Variants in PAGE2 observed in about 807,000 individuals in gnomAD.
PAGE2 encodes P antigen family member 2.
A neutral mutation model predicts 7.5 loss-of-function variants in PAGE2; 6 were observed. That is an observed-to-expected ratio of 0.80 (90% confidence interval 0.44 to 1.57). PAGE2 has a LOEUF of 1.57. PAGE2 is among the 40% of genes most tolerant of loss of function. The pLI is 0.01. For missense variants in PAGE2, 72 were observed against 76.4 expected, an observed-to-expected ratio of 0.94 and a Z score of 0.21; for synonymous variants, 22 against 25.4, an observed-to-expected ratio of 0.87 and a Z score of 0.41.
chrX:55,089,239 C>T (rs1936631685), intron 1 of PAGE2, 136 bp downstream of exon 1: 1 of 111,400 alleles, frequency 9.0e-6, no homozygotes, highest in African/African-American at 3.4e-5. Flanking sequence ...CATCCAGCTC[C>T]TCCCAGGTCG....
At chrX:55,091,102 A>T (rs1378697579) in intron 3 of PAGE2, among the ~76,000 whole-genome samples, 1 of 111,447 alleles carries the variant, frequency 9.0e-6, no homozygotes, top group Non-Finnish European at 1.9e-5. Context: ...ATGTGATAAG[A>T]ATAAGAACAA....
At position 55,090,258 on chromosome X, in the gene PAGE2, C is replaced by T. The variant is rs1397863694; in HGVS notation, c.84+154C>T. ...AACTTTGGTTCAGGAATACTATATT[C>T]TGGTGTTACCTGTATGGATATGGAT... is the stretch of plus-strand genomic sequence containing the variant. On this transcript the variant is annotated intron_variant, in intron 2 of 4. Transcript: ENST00000374968. 2.7e-5 allele frequency among the ~76,000 whole-genome samples: 3 copies of T among 110,315 alleles called. 1 individual carries two copies. Among genetic ancestry groups the T allele is most frequent in the African/African-American group, 1.0e-4 (3 of 29,589 alleles).
rs1393346548 is a variant in PAGE2, at chrX:55,089,060, C to G, written c.-52C>G. 2.7e-5 allele frequency: 3 copies of G among 111,822 alleles called. No individual in the cohort carries two copies. Among genetic ancestry groups the G allele is most frequent in the Non-Finnish European group, 5.6e-5 (3 of 53,355 alleles). The allele number at this position is 111,822 out of a possible 1,213,427, so 9.2% of individuals were successfully genotyped here. A position where few individuals can be genotyped will look rare whatever the true frequency, so the allele number is the denominator to read the frequency against. The stretch of plus-strand genomic sequence containing the variant: ...TGCAAGGAGAGAGAGTGTCTTCATT[C>G]TTTCCGCCATCTTGATTCTTTCTCA... On this transcript the variant is annotated 5_prime_UTR_variant, in exon 1 of 5. Coordinates refer to ENST00000374968, the MANE Select transcript of PAGE2 (RefSeq NM_207339.4).
intron 3 of PAGE2, among the ~76,000 whole-genome samples, chrX:55,091,053 A>G (rs1205675649): frequency 7.2e-5 from 8 of 111,120 alleles, no homozygotes; most frequent in East Asian, 2.8e-4. Context: ...CCTAAAGCTC[A>G]TAGTCTAGTC....
chrX:55,090,539 A>T lies in PAGE2; in HGVS notation c.122A>T (p.Glu41Val). Residue 41 changes from glutamate to valine, a missense_variant, in exon 3 of 5, where the codon GAA becomes GTA. By Grantham distance (121) the Glu-to-Val change is moderately radical. Transcript: ENST00000374968. ...ACTGAGGAAAAACGTCAAGAAGAGG[A>T]ACCACCAACTGATAATCAGGGTATT... Reference protein sequence around the residue: ...EPTEEKRQEEEPPTDNQGIAP... With the variant: ...EPTEEKRQEEVPPTDNQGIAP... 8.3e-7 allele frequency: 1 copy of T among 1,206,869 alleles called. No individual in the cohort carries two copies.
rs766351840 is a variant in PAGE2, at chrX:55,089,478, G to A, written c.-9+375G>A. Among the ~76,000 whole-genome samples the A allele has an allele frequency of 1.2e-3, 128 of 110,396 alleles. 5 individuals carry two copies. The highest frequency in any genetic ancestry group is 4.1e-3 in the African/African-American group (121 of 29,629). On this transcript the variant is annotated intron_variant, in intron 1 of 4. Transcript: ENST00000374968. ...ACGAAGGGGCTTGGGAACTGGGAGC[G>A]CGGTGGGCTGGTGACTGTGGCCCCG... is the stretch of plus-strand genomic sequence containing the variant.
intron 1 of PAGE2, 92 bp from the exon 2 acceptor site, chrX:55,089,921 A>C: frequency 1.4e-6 from 1 of 698,873 alleles, no homozygotes; most frequent in Non-Finnish European, 2.1e-6. Flanking sequence ...TTCAAAATTA[A>C]AAAAGTACAA....
intron 2 of PAGE2, among the ~76,000 whole-genome samples, 166 bp from the exon 3 acceptor site, chrX:55,090,324 GTCTGTCTATCTA>G (rs896181883): frequency 4.3e-5 from 4 of 93,425 alleles, no homozygotes; most frequent in African/African-American, 1.7e-4. Flanking sequence ...GTATCTGTCT[GTCTGTCTATCTA>G]TCTATCTATC....
chrX:55,089,334 G>T (rs1161084835), intron 1 of PAGE2: 1 of 111,159 alleles, frequency 9.0e-6, no homozygotes, highest in Non-Finnish European at 1.9e-5. Flanking sequence ...CTGAAGATGG[G>T]GCAAGTGCTG....
rs774530606 is a variant in PAGE2, at chrX:55,089,945, C to G, written c.-8-68C>G. On this transcript the variant is annotated intron_variant, in intron 1 of 4. Transcript: ENST00000374968. ...AAAAAAGTACAAATCACCATTTTGC[C>G]GTGGAATGTTCATATATATAACTAA... The G allele has an allele frequency of 5.2e-5, 42 of 814,893 alleles. 1 individual carries two copies. The East Asian group carries it at 1.4e-3, about 27-fold the overall frequency. 67.2% of individuals were successfully genotyped at this position (814,893 alleles called of 1,213,427 possible).
In PAGE2 at chrX:55,090,486, A is replaced by T. The variant is rs1452775440; in HGVS notation, c.85-16A>T. 8.5e-7 allele frequency: 1 copy of T among 1,171,644 alleles called. No individual in the cohort carries two copies. Reference sequence around the variant, plus strand: ...TATTATTGACTTTTTATTCACACACACACTTACACCCTTAGGTCCAGGAGC... The same window carrying T: ...TATTATTGACTTTTTATTCACACACTCACTTACACCCTTAGGTCCAGGAGC... On this transcript the variant is annotated splice_polypyrimidine_tract_variant and intron_variant, in intron 2 of 4. Transcript: ENST00000374968.
At position 55,089,059 on chromosome X, in the gene PAGE2, T is replaced by A. The variant is rs948832895; in HGVS notation, c.-53T>A. On this transcript the variant is annotated 5_prime_UTR_variant, in exon 1 of 5. Transcript: ENST00000374968. The stretch of plus-strand genomic sequence containing the variant: ...CTGCAAGGAGAGAGAGTGTCTTCAT[T>A]CTTTCCGCCATCTTGATTCTTTCTC... 1.1e-4 allele frequency: 12 copies of A among 111,763 alleles called. No homozygotes were observed. The highest frequency in any genetic ancestry group is 4.0e-4 in the African/African-American group (12 of 30,046). The allele number at this position is 111,763 out of a possible 1,213,427, so 9.2% of individuals were successfully genotyped here.
intron 3 of PAGE2, 53 bp downstream of exon 3, chrX:55,090,663 A>G: frequency 2.2e-6 from 2 of 920,413 alleles, no homozygotes; most frequent in Non-Finnish European, 1.5e-6. Context: ...CTATTTATGC[A>G]TTGTATTTTA....
chrX:55,091,061 G>A (rs1451381377), intron 3 of PAGE2, among the ~76,000 whole-genome samples: 1 of 110,942 alleles, frequency 9.0e-6, no homozygotes, highest in African/African-American at 3.4e-5. Context: ...TCATAGTCTA[G>A]TCAGACTGAC....
At position 55,090,391 on chromosome X, in the gene PAGE2, A is replaced by G. The variant is rs1300774384; in HGVS notation, c.85-111A>G. ...CATCTATCTATCTATATGTGTGTGTATGTGTTTATATATGTTGGAAAAATG... is the reference window on the plus strand; with the variant it reads ...CATCTATCTATCTATATGTGTGTGTGTGTGTTTATATATGTTGGAAAAATG... On this transcript the variant is annotated intron_variant, in intron 2 of 4. Coordinates refer to ENST00000374968, the MANE Select transcript of PAGE2 (RefSeq NM_207339.4). The G allele has an allele frequency of 1.8e-5, 13 of 727,860 alleles. No individual in the cohort carries two copies. In the Middle Eastern group the frequency reaches 1.8e-3, roughly 101 times the overall value. The allele number at this position is 727,860 out of a possible 1,213,427, so 60.0% of individuals were successfully genotyped here. A position where few individuals can be genotyped will look rare whatever the true frequency, so the allele number is the denominator to read the frequency against.
chrX:55,090,964 C>CT, intron 3 of PAGE2, among the ~76,000 whole-genome samples: 1 of 109,601 alleles, frequency 9.1e-6, no homozygotes, highest in South Asian at 3.8e-4. Flanking sequence ...TTTTAAGAAA[C>CT]TTTTTAACAC....
intron 2 of PAGE2, 84 bp from the exon 3 acceptor site, chrX:55,090,418 C>A (rs374684063): frequency 4.4e-6 from 4 of 915,060 alleles, no homozygotes; most frequent in East Asian, 3.4e-5. Flanking sequence ...GGAAAAATGT[C>A]TTTAGATGTG....
Position 55,090,089 on chromosome X carries a change from G to A in PAGE2, c.69G>A (p.Pro23=), listed in dbSNP as rs369034281. 1.4e-4 allele frequency: 170 copies of A among 1,199,949 alleles called. No homozygotes were observed. The East Asian group carries it at 2.6e-3, about 18-fold the overall frequency. The change falls in exon 2 of 5, where the codon CCG becomes CCA. Residue 23 remains proline, a synonymous_variant. Transcript: ENST00000374968. ...ERGNDQESSQ[P]VGSVIVQEPT... ...GAAATGACCAAGAGTCTTCCCAGCC[G>A]GTTGGATCTGTGATTGTGAGTCTTT... is the stretch of plus-strand genomic sequence containing the variant.
In PAGE2 at chrX:55,090,168, A is replaced by G. The variant is rs1936641626; in HGVS notation, c.84+64A>G. Reference sequence around the variant, plus strand: ...TTTATTTTAAAAATATTTTTGAGCTAGTATACATACACTGATACAGGTGTT... The same window carrying G: ...TTTATTTTAAAAATATTTTTGAGCTGGTATACATACACTGATACAGGTGTT... On this transcript the variant is annotated intron_variant, in intron 2 of 4. Transcript: ENST00000374968. 80 of 1,032,333 alleles carry G rather than the reference A, an allele frequency of 7.7e-5. No homozygotes were observed. The South Asian group carries it at 1.5e-3, about 19-fold the overall frequency. 85.1% of individuals were successfully genotyped at this position (1,032,333 alleles called of 1,213,427 possible).
Sources: allele counts gnomAD v4.1 joint callset (sites outside exome capture counted in the v4.1 genomes callset), GRCh38; gene constraint gnomAD v4.1.1; transcripts MANE v1.5; gene names NCBI Gene and HGNC (gene_info 2026-07-23, HGNC 2026-07-21).